MC3R: variants seen among roughly 807,000 people sequenced by gnomAD.
The protein encoded by MC3R is melanocortin receptor 3.
A neutral mutation model predicts 14.0 loss-of-function variants in MC3R; 12 were observed. The ratio of observed to expected loss-of-function variants is 0.86; its 90% CI spans 0.55 to 1.39. The LOEUF (loss-of-function observed/expected upper bound fraction) is 1.39, where lower values mean the gene tolerates loss of function less well. MC3R is among the 40% of genes most tolerant of loss of function. MC3R has a pLI of 0.00. For synonymous variants in MC3R, 174 were observed against 180.5 expected (o/e 0.96, Z 0.29); for missense variants, 432 against 433.6 (o/e 1.00, Z 0.03).
Position 56,249,155 on chromosome 20 carries a change from C to T in MC3R, c.312C>T (p.Asp104=). ...ETIMIAIVHS[D]YLTFEDQFIQ... ...TCATGATCGCCATCGTCCACAGCGA[C>T]TACCTGACCTTCGAGGACCAGTTTA... The change falls in exon 1 of 1, where the codon GAC becomes GAT. Residue 104 remains aspartate, a synonymous_variant. Coordinates refer to ENST00000243911, the MANE Select transcript of MC3R (RefSeq NM_019888.3). 1 of 1,614,132 alleles carries T rather than the reference C, an allele frequency of 6.2e-7. No individual in the cohort carries two copies. The highest frequency in any genetic ancestry group is 8.5e-7 in the Non-Finnish European group (1 of 1,179,976).
At position 56,248,826 on chromosome 20, in the gene MC3R, T is replaced by C. The variant is rs745697399; in HGVS notation, c.-18T>C. On this transcript the variant is annotated 5_prime_UTR_variant, in exon 1 of 1. Transcript: ENST00000243911. ...GACCCTGCTGGAGCCCCAGCTCGGATCAGCCCTTCTGACAGCAATGAATGC... is the reference window on the plus strand; with the variant it reads ...GACCCTGCTGGAGCCCCAGCTCGGACCAGCCCTTCTGACAGCAATGAATGC... 1 of 1,614,214 alleles carries C rather than the reference T, an allele frequency of 6.2e-7. No individual in the cohort carries two copies. The highest frequency in any genetic ancestry group is 8.5e-7 in the Non-Finnish European group (1 of 1,180,028).
In MC3R at chr20:56,249,482, T is replaced by C. The variant is rs1338499934; in HGVS notation, c.639T>C (p.Phe213=). ...MGTLYVHMFL[F]ARLHVKRIAA... is the part of the protein sequence containing the mutation. ...CCCTCTACGTGCACATGTTCCTCTT[T>C]GCGCGGCTGCACGTCAAGCGCATAG... Residue 213 remains phenylalanine (F), a synonymous_variant, in exon 1 of 1, where the codon TTT becomes TTC. Coordinates refer to ENST00000243911, the MANE Select transcript of MC3R (RefSeq NM_019888.3). The C allele has an allele frequency of 1.9e-6, 3 of 1,614,036 alleles. No homozygotes were observed. In the Admixed American group the frequency reaches 5.0e-5, roughly 27 times the overall value.
At position 56,249,258 on chromosome 20, in the gene MC3R, G is replaced by A. The variant is rs763907929; in HGVS notation, c.415G>A (p.Ala139Thr). 10 of 1,613,974 alleles carry A rather than the reference G, an allele frequency of 6.2e-6. No individual in the cohort carries two copies. The highest frequency in any genetic ancestry group is 5.3e-5 in the African/African-American group (4 of 74,900). The change falls in exon 1 of 1, where the codon GCC (alanine) becomes ACC (threonine). Residue 139 changes from alanine to threonine, a missense_variant. Physicochemically the swap from Ala to Thr is moderately conservative, Grantham distance 58 (BLOSUM62 0). Transcript: ENST00000243911. ...VASICNLLAI[A>T]VDRYVTIFYA... is the part of the protein sequence containing the mutation. Reference sequence around the variant, plus strand: ...CTCCATCTGCAACCTCCTGGCCATCGCCGTCGACAGGTACGTCACCATCTT... The same window carrying A: ...CTCCATCTGCAACCTCCTGGCCATCACCGTCGACAGGTACGTCACCATCTT...
chr20:56,249,240 T>A lies in MC3R; in HGVS notation c.397T>A (p.Cys133Ser), dbSNP rs773177160. The A allele has an allele frequency of 6.2e-7, 1 of 1,614,194 alleles. No individual in the cohort carries two copies. The highest frequency in any genetic ancestry group is 1.1e-5 in the South Asian group (1 of 91,082). The change falls in exon 1 of 1, where the codon TGC (cysteine) becomes AGC (serine). Residue 133 changes from cysteine (C) to serine (S), a missense_variant. Cys to Ser is a moderately radical substitution (Grantham distance 112). Transcript: ENST00000243911. Reference protein sequence around the residue: ...MICISLVASICNLLAIAVDRY... With the variant: ...MICISLVASISNLLAIAVDRY... ...CTGCATCTCCCTGGTGGCCTCCATC[T>A]GCAACCTCCTGGCCATCGCCGTCGA...
rs1247991238 is a variant in MC3R at position 56,249,429 on chromosome 20, T to C, written c.586T>C (p.Phe196Leu). ...KMVIVCLITMFFAMMLLMGTL... is the reference protein window; with the variant it reads ...KMVIVCLITMLFAMMLLMGTL... The stretch of plus-strand genomic sequence containing the variant: ...GGTCATTGTGTGCCTCATCACCATG[T>C]TCTTCGCCATGATGCTCCTCATGGG... The change falls in exon 1 of 1, where the codon TTC (phenylalanine) becomes CTC (leucine). Residue 196 changes from phenylalanine (F) to leucine (L), a missense_variant. Physicochemically the swap from Phe to Leu is conservative, Grantham distance 22. Coordinates refer to ENST00000243911, the MANE Select transcript of MC3R (RefSeq NM_019888.3). The C allele has an allele frequency of 6.2e-7, 1 of 1,613,970 alleles. No homozygotes were observed. The highest frequency in any genetic ancestry group is 8.5e-7 in the Non-Finnish European group (1 of 1,180,004).
chr20:56,249,612 C>A lies in MC3R; in HGVS notation c.769C>A (p.Pro257Thr). Residue 257 changes from proline (P) to threonine (T), a missense_variant, in exon 1 of 1, where the codon CCC becomes ACC. Pro to Thr is a conservative substitution (Grantham distance 38). Coordinates refer to ENST00000243911, the MANE Select transcript of MC3R (RefSeq NM_019888.3). ...GGGCGTGTTCATCTTCTGCTGGGCC[C>A]CCTTCTTCCTCCACCTGGTCCTCAT... ...LLGVFIFCWA[P>T]FFLHLVLIIT... 1 of 1,613,016 alleles carries A rather than the reference C, an allele frequency of 6.2e-7. No individual in the cohort carries two copies.
At position 56,248,782 on chromosome 20, in the gene MC3R, G is replaced by C. The variant is rs142214632; in HGVS notation, c.-62G>C. ...GAGGGAGATTTTGTCTTTCCTGTGAGCAGCAGCAGCTTCCTACGGACCCTG... is the reference window on the plus strand; with the variant it reads ...GAGGGAGATTTTGTCTTTCCTGTGACCAGCAGCAGCTTCCTACGGACCCTG... On this transcript the variant is annotated 5_prime_UTR_variant, in exon 1 of 1. Coordinates refer to ENST00000243911, the MANE Select transcript of MC3R (RefSeq NM_019888.3). 116 of 1,605,520 alleles carry C rather than the reference G, an allele frequency of 7.2e-5. No individual in the cohort carries two copies. The African/African-American group carries it at 1.1e-3, about 16-fold the overall frequency.
chr20:56,249,676 C>T lies in MC3R; in HGVS notation c.833C>T (p.Thr278Ile), dbSNP rs560143524. Residue 278 changes from threonine (T) to isoleucine (I), a missense_variant, in exon 1 of 1, where the codon ACT becomes ATT. Physicochemically the swap from Thr to Ile is moderately conservative, Grantham distance 89 (BLOSUM62 -1). Transcript: ENST00000243911. ...ACCAACCCCTACTGCATCTGCTACA[C>T]TGCCCACTTCAACACCTACCTGGTC... Reference protein sequence around the residue: ...CPTNPYCICYTAHFNTYLVLI... With the variant: ...CPTNPYCICYIAHFNTYLVLI... 2 of 1,614,156 alleles carry T rather than the reference C, an allele frequency of 1.2e-6. No individual in the cohort carries two copies. Among genetic ancestry groups the T allele is most frequent in the South Asian group, 2.2e-5 (2 of 91,074 alleles).
At position 56,249,724 on chromosome 20, in the gene MC3R, T is replaced by G; in HGVS notation, c.881T>G (p.Ile294Ser). The change falls in exon 1 of 1, where the codon ATC becomes AGC. Residue 294 changes from isoleucine to serine, a missense_variant. By Grantham distance (142) the Ile-to-Ser change is moderately radical. Transcript: ENST00000243911. ...YLVLIMCNSV[I>S]DPLIYAFRSL... The stretch of plus-strand genomic sequence containing the variant: ...GTCCTCATCATGTGCAACTCCGTCA[T>G]CGACCCACTCATCTACGCTTTCCGG... The G allele has an allele frequency of 6.2e-7, 1 of 1,614,104 alleles. No individual in the cohort carries two copies. The highest frequency in any genetic ancestry group is 1.1e-5 in the South Asian group (1 of 91,078).
Position 56,249,246 on chromosome 20 carries a change from C to A in MC3R, c.403C>A (p.Leu135Ile). 6.2e-7 allele frequency: 1 copy of A among 1,614,176 alleles called. No homozygotes were observed. Among genetic ancestry groups the A allele is most frequent in the Non-Finnish European group, 8.5e-7 (1 of 1,180,030 alleles). The change falls in exon 1 of 1, where the codon CTC becomes ATC. Residue 135 changes from leucine to isoleucine, a missense_variant. Physicochemically the swap from Leu to Ile is conservative, Grantham distance 5. Coordinates refer to ENST00000243911, the MANE Select transcript of MC3R (RefSeq NM_019888.3). Reference sequence around the variant, plus strand: ...CTCCCTGGTGGCCTCCATCTGCAACCTCCTGGCCATCGCCGTCGACAGGTA... The same window carrying A: ...CTCCCTGGTGGCCTCCATCTGCAACATCCTGGCCATCGCCGTCGACAGGTA... ...CISLVASICN[L>I]LAIAVDRYVT...
Position 56,249,269 on chromosome 20 carries a change from G to A in MC3R, c.426G>A (p.Arg142=), listed in dbSNP as rs1446786451. ...ACCTCCTGGCCATCGCCGTCGACAG[G>A]TACGTCACCATCTTTTACGCGCTCC... ...ICNLLAIAVD[R]YVTIFYALRY... is the part of the protein sequence containing the mutation. The change falls in exon 1 of 1, where the codon AGG becomes AGA. Residue 142 remains arginine, a synonymous_variant. Coordinates refer to ENST00000243911, the MANE Select transcript of MC3R (RefSeq NM_019888.3). The A allele has an allele frequency of 2.5e-6, 4 of 1,614,184 alleles. No homozygotes were observed. Among genetic ancestry groups the A allele is most frequent in the Non-Finnish European group, 3.4e-6 (4 of 1,180,040 alleles).
In MC3R at chr20:56,249,233, C is replaced by T; in HGVS notation, c.390C>T (p.Ala130=). ...CCATGATCTGCATCTCCCTGGTGGCCTCCATCTGCAACCTCCTGGCCATCG... is the reference window on the plus strand; with the variant it reads ...CCATGATCTGCATCTCCCTGGTGGCTTCCATCTGCAACCTCCTGGCCATCG... ...FDSMICISLV[A]SICNLLAIAV... is the part of the protein sequence containing the mutation. Residue 130 remains alanine, a synonymous_variant, in exon 1 of 1, where the codon GCC becomes GCT. Transcript: ENST00000243911. 6.2e-7 allele frequency: 1 copy of T among 1,614,160 alleles called. No individual in the cohort carries two copies. Among genetic ancestry groups the T allele is most frequent in the African/African-American group, 1.3e-5 (1 of 75,034 alleles).
In MC3R at chr20:56,248,835, C is replaced by T. The variant is rs774958900; in HGVS notation, c.-9C>T. ...GGAGCCCCAGCTCGGATCAGCCCTT[C>T]TGACAGCAATGAATGCTTCGTGCTG... is the stretch of plus-strand genomic sequence containing the variant. On this transcript the variant is annotated 5_prime_UTR_variant, in exon 1 of 1. Transcript: ENST00000243911. 7 of 1,614,108 alleles carry T rather than the reference C, an allele frequency of 4.3e-6. No homozygotes were observed. The highest frequency in any genetic ancestry group is 1.6e-4 in the Middle Eastern group (1 of 6,084).
At position 56,249,042 on chromosome 20, in the gene MC3R, G is replaced by T. The variant is rs376481158; in HGVS notation, c.199G>T (p.Gly67Cys). The T allele has an allele frequency of 6.2e-7, 1 of 1,614,204 alleles. No individual in the cohort carries two copies. Among genetic ancestry groups the T allele is most frequent in the Non-Finnish European group, 8.5e-7 (1 of 1,180,034 alleles). ...ILVILAVVRN[G>C]NLHSPMYFFL... ...GGTTATCCTGGCCGTGGTCAGGAAC[G>T]GCAACCTGCACTCCCCGATGTACTT... is the stretch of plus-strand genomic sequence containing the variant. The change falls in exon 1 of 1, where the codon GGC becomes TGC. Residue 67 changes from glycine to cysteine, a missense_variant. Gly to Cys is a radical substitution (Grantham distance 159). Transcript: ENST00000243911.
chr20:56,249,679 C>T lies in MC3R; in HGVS notation c.836C>T (p.Ala279Val), dbSNP rs1308213171. ...AACCCCTACTGCATCTGCTACACTG[C>T]CCACTTCAACACCTACCTGGTCCTC... ...PTNPYCICYT[A>V]HFNTYLVLIM... The change falls in exon 1 of 1, where the codon GCC becomes GTC. Residue 279 changes from alanine to valine, a missense_variant. Coordinates refer to ENST00000243911, the MANE Select transcript of MC3R (RefSeq NM_019888.3). 6.2e-7 allele frequency: 1 copy of T among 1,614,138 alleles called. No individual in the cohort carries two copies. The highest frequency in any genetic ancestry group is 8.5e-7 in the Non-Finnish European group (1 of 1,180,018).
Position 56,248,789 on chromosome 20 carries a change from C to T in MC3R, c.-55C>T. The stretch of plus-strand genomic sequence containing the variant: ...ATTTTGTCTTTCCTGTGAGCAGCAG[C>T]AGCTTCCTACGGACCCTGCTGGAGC... On this transcript the variant is annotated 5_prime_UTR_variant, in exon 1 of 1. Transcript: ENST00000243911. 1 of 1,611,834 alleles carries T rather than the reference C, an allele frequency of 6.2e-7. No individual in the cohort carries two copies. Among genetic ancestry groups the T allele is most frequent in the Non-Finnish European group, 8.5e-7 (1 of 1,177,900 alleles).
Position 56,248,871 on chromosome 20 carries a change from G to T in MC3R, c.28G>T (p.Val10Phe). 1 of 1,614,130 alleles carries T rather than the reference G, an allele frequency of 6.2e-7. No individual in the cohort carries two copies. The change falls in exon 1 of 1, where the codon GTT becomes TTT. Residue 10 changes from valine to phenylalanine, a missense_variant. Transcript: ENST00000243911. ...GAATGCTTCGTGCTGCCTGCCCTCT[G>T]TTCAGCCAACACTGCCTAATGGCTC... MNASCCLPS[V>F]QPTLPNGSEH...
In MC3R at chr20:56,249,717, T is replaced by A. The variant is rs750492023; in HGVS notation, c.874T>A (p.Ser292Thr). The change falls in exon 1 of 1, where the codon TCC becomes ACC. Residue 292 changes from serine to threonine, a missense_variant. Ser to Thr is a moderately conservative substitution (Grantham distance 58, BLOSUM62 1). Transcript: ENST00000243911. The part of the protein sequence containing the change: ...NTYLVLIMCN[S>T]VIDPLIYAFR... The stretch of plus-strand genomic sequence containing the variant: ...CTACCTGGTCCTCATCATGTGCAAC[T>A]CCGTCATCGACCCACTCATCTACGC... 8.1e-6 allele frequency: 13 copies of A among 1,613,910 alleles called. No homozygotes were observed. The highest frequency in any genetic ancestry group is 5.1e-6 in the Non-Finnish European group (6 of 1,180,010).
Position 56,249,575 on chromosome 20 carries a change from C to T in MC3R, c.732C>T (p.Ile244=). The T allele has an allele frequency of 1.2e-6, 2 of 1,613,154 alleles. No individual in the cohort carries two copies. The highest frequency in any genetic ancestry group is 1.7e-6 in the Non-Finnish European group (2 of 1,179,124). ...CATGCATGAAGGGGGCAGTCACCAT[C>T]ACCATTCTCCTGGGCGTGTTCATCT... The part of the protein sequence containing the change: ...QHSCMKGAVT[I]TILLGVFIFC... Residue 244 remains isoleucine (I), a synonymous_variant, in exon 1 of 1, where the codon ATC becomes ATT. Coordinates refer to ENST00000243911, the MANE Select transcript of MC3R (RefSeq NM_019888.3).
Sources: gnomAD v4.1 joint callset for allele counts on GRCh38, gnomAD v4.1.1 for gene constraint, MANE v1.5 for transcripts, NCBI Gene and HGNC (gene_info 2026-07-23, HGNC 2026-07-21) for gene names.